Variants in GCFC2 observed in about 807,000 individuals in gnomAD.
GCFC2 encodes the protein intron Large complex component GCFC2.
A neutral mutation model predicts 99.4 loss-of-function variants in GCFC2; 102 were observed. The ratio of observed to expected loss-of-function variants is 1.03; its 90% CI spans 0.87 to 1.21. GCFC2 has a LOEUF of 1.21. GCFC2 is among the 50% of genes most tolerant of loss of function. The probability of loss-of-function intolerance (pLI) is 0.00; values close to 1 mark genes in which losing one functional copy is unlikely to be tolerated. For missense variants in GCFC2, 973 were observed against 920.9 expected (o/e 1.06, Z -0.73); for synonymous variants, 338 against 316.8 (o/e 1.07, Z -0.71).
chr2:75,666,192 T>C (rs1021886110), intron 15 of GCFC2, 139 bp from the exon 16 acceptor site: 4 of 608,584 alleles, frequency 6.6e-6, no homozygotes, highest in African/African-American at 5.7e-5. Flanking sequence ...TTTCTAAAGA[T>C]TTCCCTTTGT....
At chr2:75,669,578 G>C (rs1678997054) in intron 15 of GCFC2, among the ~76,000 whole-genome samples, 1 of 152,138 alleles carries the variant, frequency 6.6e-6, no homozygotes, top group South Asian at 2.1e-4. Context: ...TGTATAGTGA[G>C]AGGTGAGGAC....
chr2:75,697,590 C>G (rs1052542284), intron 4 of GCFC2: 1 of 152,238 alleles, frequency 6.6e-6, no homozygotes, highest in African/African-American at 2.4e-5. Flanking sequence ...AGTTGTCTCC[C>G]TTCCTGCAGA....
chr2:75,711,836 C>T (rs1681200110), upstream of GCFC2, among the ~76,000 whole-genome samples: 1 of 152,248 alleles, frequency 6.6e-6, no homozygotes, highest in Non-Finnish European at 1.5e-5. Flanking sequence ...GACCTGCAGC[C>T]CGCCATGCCT....
chr2:75,669,298 AT>A (rs1389522105), intron 15 of GCFC2, among the ~76,000 whole-genome samples: 3 of 152,164 alleles, frequency 2.0e-5, no homozygotes, highest in Non-Finnish European at 4.4e-5. Context: ...ATTATACAAA[AT>A]TTCAAACACA....
Position 75,685,197 on chromosome 2 carries a change from T to C in GCFC2, c.1690+2630A>G, listed in dbSNP as rs375462706. Among the ~76,000 whole-genome samples the C allele has an allele frequency of 4.6e-5, 7 of 152,268 alleles. 1 individual carries two copies. The highest frequency in any genetic ancestry group is 1.9e-4 in the East Asian group (1 of 5,174). On this transcript the variant is annotated intron_variant, in intron 11 of 16. Transcript: ENST00000321027. Reference sequence around the variant, plus strand: ...CGTTCTGCACATGTACCCCAGAACTTAAAGTATAATAATAAACAAACAAAA... The same window carrying C: ...CGTTCTGCACATGTACCCCAGAACTCAAAGTATAATAATAAACAAACAAAA...
At chr2:75,665,837 TAC>T in intron 16 of GCFC2, 90 bp downstream of exon 16, 1 of 775,132 alleles carries the variant, frequency 1.3e-6, no homozygotes, top group African/African-American at 1.8e-5. Context: ...TTTTTAAAAG[TAC>T]AGTAAAAATA....
intron 11 of GCFC2, among the ~76,000 whole-genome samples, chr2:75,687,124 C>T (rs1245025162): frequency 2.0e-5 from 3 of 152,000 alleles, no homozygotes; most frequent in Non-Finnish European, 2.9e-5. Context: ...TTAGTAGAGA[C>T]GAGGTTTCGC....
chr2:75,693,222 T>C (rs1680166342), intron 6 of GCFC2, among the ~76,000 whole-genome samples: 1 of 152,156 alleles, frequency 6.6e-6, no homozygotes, highest in African/African-American at 2.4e-5. Context: ...GTGGATTGCC[T>C]GAGCTCGGGA....
intron 12 of GCFC2, 37 bp downstream of exon 12, chr2:75,680,156 G>C: frequency 6.9e-7 from 1 of 1,459,814 alleles, no homozygotes; most frequent in Non-Finnish European, 9.6e-7. Flanking sequence ...ATGATTTAGA[G>C]ATAGATCATG....
At chr2:75,667,020 G>C (rs946601720) in intron 15 of GCFC2, among the ~76,000 whole-genome samples, 1 of 152,130 alleles carries the variant, frequency 6.6e-6, no homozygotes, top group South Asian at 2.1e-4. Flanking sequence ...TAGGGACTAG[G>C]GTCTGGAAAG....
chr2:75,690,346 G>A (rs1680008688), intron 8 of GCFC2: 3 of 504,836 alleles, frequency 5.9e-6, no homozygotes, highest in Non-Finnish European at 1.0e-5. Context: ...ATTCCCATGG[G>A]CTAACCAGAT....
Position 75,710,683 on chromosome 2 carries a change from G to A in GCFC2, c.173C>T (p.Pro58Leu), listed in dbSNP as rs573969865. ...GGGRAQVAGL[P>L]HRVRGPRGRG... is the part of the protein sequence containing the mutation. ...GCCACGAGGGCCCCGAACCCGGTGG[G>A]GCAGTCCCGCCACCTGCGCGCGGCC... Residue 58 changes from proline (P) to leucine (L), a missense_variant, in exon 1 of 17, where the codon CCC (proline) becomes CTC (leucine). Physicochemically the swap from Pro to Leu is moderately conservative, Grantham distance 98. Transcript: ENST00000321027. 1.9e-5 allele frequency: 29 copies of A among 1,525,278 alleles called. No individual in the cohort carries two copies. The African/African-American group carries it at 3.1e-4, about 17-fold the overall frequency. 94.5% of individuals were successfully genotyped at this position (1,525,278 alleles called of 1,614,324 possible).
At chr2:75,679,575 T>C (rs567403028) in intron 12 of GCFC2, among the ~76,000 whole-genome samples, 1 of 152,350 alleles carries the variant, frequency 6.6e-6, no homozygotes, top group South Asian at 2.1e-4. Context: ...CTTTGAATCC[T>C]TAAAGAGACT....
intron 10 of GCFC2, 113 bp downstream of exon 10, chr2:75,688,913 C>A (rs924258820): frequency 1.6e-6 from 1 of 630,652 alleles, no homozygotes; most frequent in African/African-American, 1.9e-5. Flanking sequence ...TTCCAAAGCT[C>A]TAAATTTCAG....
chr2:75,678,944 C>G (rs1679457892), intron 12 of GCFC2, among the ~76,000 whole-genome samples: 1 of 152,188 alleles, frequency 6.6e-6, no homozygotes, highest in African/African-American at 2.4e-5. Context: ...ATCCTCCTGC[C>G]TCAGCCTCCC....
At chr2:75,700,401 G>A (rs1300846725) in intron 4 of GCFC2, among the ~76,000 whole-genome samples, 5 of 151,894 alleles carry the variant, frequency 3.3e-5, no homozygotes, top group Non-Finnish European at 7.4e-5. Flanking sequence ...CACATAATGA[G>A]ATTTAATATA....
chr2:75,688,270 A>G (rs1440864925), intron 10 of GCFC2, among the ~76,000 whole-genome samples: 2 of 152,170 alleles, frequency 1.3e-5, no homozygotes, highest in Non-Finnish European at 2.9e-5. Flanking sequence ...CATGGCAAGT[A>G]CTCTGCTTGG....
chr2:75,671,831 T>C, intron 14 of GCFC2, 119 bp downstream of exon 14: 2 of 451,714 alleles, frequency 4.4e-6, no homozygotes, highest in East Asian at 3.6e-5. Flanking sequence ...ACAGAGACCA[T>C]GTGACCACAA....
At chr2:75,712,106 C>G (rs1383911571), upstream of GCFC2, among the ~76,000 whole-genome samples, 1 of 152,130 alleles carries the variant, frequency 6.6e-6, no homozygotes, top group Non-Finnish European at 1.5e-5. Context: ...AATCAGCACT[C>G]TGTATCTGGC....
Sources: gnomAD v4.1 joint callset for allele counts (sites outside exome capture counted in the v4.1 genomes callset) on GRCh38, gnomAD v4.1.1 for gene constraint, MANE v1.5 for transcripts, NCBI Gene and HGNC (gene_info 2026-07-23, HGNC 2026-07-21) for gene names.